The following TMEM143 variants were observed in gnomAD, a reference collection of about 807,000 sequenced individuals.
The protein encoded by TMEM143 is transmembrane protein 143.
In TMEM143, 45 loss-of-function variants were observed where a neutral mutation model predicts 40.3. That is an observed-to-expected ratio of 1.12 (90% CI 0.88 to 1.43). The LOEUF (loss-of-function observed/expected upper bound fraction) is 1.43, where lower values mean the gene tolerates loss of function less well. TMEM143 is among the 40% of genes most tolerant of loss of function. The pLI is 0.00. For missense variants in TMEM143, 620 were observed against 613.4 expected (o/e 1.01, Z -0.11); for synonymous variants, 299 against 282.7 (o/e 1.06, Z -0.58).
At chr19:48,343,619 C>T (rs568397960) in intron 4 of TMEM143, among the ~76,000 whole-genome samples, 168 bp from the exon 5 acceptor site, 1 of 152,176 alleles carries the variant, frequency 6.6e-6, no homozygotes, top group Non-Finnish European at 1.5e-5. Context: ...TCGTATACTG[C>T]ACAAGGGCTC....
chr19:48,351,751 T>C (rs1373229877), intron 3 of TMEM143, among the ~76,000 whole-genome samples: 1 of 152,178 alleles, frequency 6.6e-6, no homozygotes, highest in African/African-American at 2.4e-5. Flanking sequence ...TTCAGGTCTC[T>C]GCTCAAATGT....
At chr19:48,358,363 A>G (rs984229508) in intron 3 of TMEM143, among the ~76,000 whole-genome samples, 1 of 151,846 alleles carries the variant, frequency 6.6e-6, no homozygotes, top group Non-Finnish European at 1.5e-5. Flanking sequence ...TAGCCTGGGC[A>G]GCAGAGTGAG....
At chr19:48,342,989 G>T in intron 5 of TMEM143, 180 bp from the exon 6 acceptor site, 1 of 774,352 alleles carries the variant, frequency 1.3e-6, no homozygotes, top group Non-Finnish European at 2.0e-6. Context: ...CGGTTCAATC[G>T]CGCCATCGAT....
At chr19:48,347,588 G>A (rs1200770238) in intron 3 of TMEM143, among the ~76,000 whole-genome samples, 1 of 137,966 alleles carries the variant, frequency 7.2e-6, no homozygotes, top group Non-Finnish European at 1.5e-5. Context: ...ACAGAGTCTC[G>A]CTCTGTTGCC....
Position 48,342,554 on chromosome 19 carries a change from G to A in TMEM143, c.951C>T (p.Ile317=). 2 of 1,611,082 alleles carry A rather than the reference G, an allele frequency of 1.2e-6. No individual in the cohort carries two copies. Among genetic ancestry groups the A allele is most frequent in the Non-Finnish European group, 1.7e-6 (2 of 1,179,304 alleles). ...CCTTGGAGGCCCGCAGGCCCATGAA[G>A]ATGGCGAAGAGCAGCAGCAGCAGGG... The part of the protein sequence containing the change: ...ATSLLLLLFA[I]FMGLRASKMF... The change falls in exon 6 of 8, where the codon ATC becomes ATT. Residue 317 remains isoleucine, a synonymous_variant. Coordinates refer to ENST00000293261, the MANE Select transcript of TMEM143 (RefSeq NM_018273.4).
At position 48,345,171 on chromosome 19, in the gene TMEM143, C is replaced by T; in HGVS notation, c.553G>A (p.Asp185Asn). ...AGGGAGCCAAGTACCTGGACCTCAT[C>T]CTGAGGGTGGTGGACCACCAGCGCG... ...AYALVVHHPQ[D>N]EVQVTVNLDQ... Residue 185 changes from aspartate to asparagine, a missense_variant, in exon 4 of 8, where the codon GAT becomes AAT. Transcript: ENST00000293261. The T allele has an allele frequency of 6.2e-7, 1 of 1,613,338 alleles. No individual in the cohort carries two copies. Among genetic ancestry groups the T allele is most frequent in the Non-Finnish European group, 8.5e-7 (1 of 1,179,608 alleles).
chr19:48,333,177 T>C lies in TMEM143; in HGVS notation c.*42A>G. On this transcript the variant is annotated 3_prime_UTR_variant, in exon 8 of 8. Transcript: ENST00000293261. The surrounding 1 kb of genome is among the most constrained non-coding windows in gnomAD (Gnocchi z 4.1). Reference sequence around the variant, plus strand: ...CAGCCTGTCGTGAAGGAGGCGGGGCTTAGTTCCTAGCCTGCTGACTGGGCA... The same window carrying C: ...CAGCCTGTCGTGAAGGAGGCGGGGCCTAGTTCCTAGCCTGCTGACTGGGCA... The C allele has an allele frequency of 7.3e-7, 1 of 1,374,502 alleles. No individual in the cohort carries two copies. Among genetic ancestry groups the C allele is most frequent in the Non-Finnish European group, 9.6e-7 (1 of 1,040,408 alleles). 85.1% of individuals were successfully genotyped at this position (1,374,502 alleles called of 1,614,324 possible).
At chr19:48,348,820 A>G (rs868384682) in intron 3 of TMEM143, among the ~76,000 whole-genome samples, 4 of 152,160 alleles carry the variant, frequency 2.6e-5, no homozygotes, top group African/African-American at 9.7e-5. Context: ...CACACTTCCT[A>G]GTAGGGCCTG....
intron 3 of TMEM143, among the ~76,000 whole-genome samples, chr19:48,349,097 G>A (rs1340002339): frequency 3.3e-5 from 5 of 152,022 alleles, no homozygotes. Flanking sequence ...GAGGCTGAGG[G>A]AGGTGGATTG....
At chr19:48,351,726 C>T (rs527546686) in intron 3 of TMEM143, among the ~76,000 whole-genome samples, 18 of 152,292 alleles carry the variant, frequency 1.2e-4, no homozygotes, top group African/African-American at 4.3e-4. Flanking sequence ...CTCCATAGGG[C>T]TTGCTCCCCT....
At chr19:48,337,880 C>T (rs895756010) in intron 6 of TMEM143, among the ~76,000 whole-genome samples, 5 of 152,212 alleles carry the variant, frequency 3.3e-5, no homozygotes, top group Middle Eastern at 3.4e-3. Context: ...CGTTAGGGAC[C>T]GTGTGGTATG....
chr19:48,363,578 A>T, intron 1 of TMEM143, 47 bp from the exon 2 acceptor site: 1 of 1,550,502 alleles, frequency 6.4e-7, no homozygotes, highest in Non-Finnish European at 8.7e-7. Context: ...CTAGAGGAAA[A>T]GCGCCCTCTC....
chr19:48,335,580 G>A (rs1421726158), intron 6 of TMEM143, among the ~76,000 whole-genome samples: 4 of 152,044 alleles, frequency 2.6e-5, no homozygotes, highest in Admixed American at 6.6e-5. Context: ...AAAATTAGCC[G>A]GGCATGGTGG....
In TMEM143 at chr19:48,333,717, C is replaced by T. The variant is rs778217941; in HGVS notation, c.1166-284G>A. Among the ~76,000 whole-genome samples, 1 of 152,106 alleles carries T rather than the reference C, an allele frequency of 6.6e-6. No homozygotes were observed. Among genetic ancestry groups the T allele is most frequent in the Non-Finnish European group, 1.5e-5 (1 of 68,018 alleles). ...GACCACCTGGAGCCCACACAGGGAG[C>T]GCGCAGGATCTCTTGTAGGGAGAGT... On this transcript the variant is annotated intron_variant, in intron 7 of 7. Coordinates refer to ENST00000293261, the MANE Select transcript of TMEM143 (RefSeq NM_018273.4). This position sits in a 1 kb window ranked among gnomAD's most constrained non-coding sequence, Gnocchi z 4.1.
At chr19:48,356,519 C>T (rs1969902425) in intron 3 of TMEM143, among the ~76,000 whole-genome samples, 1 of 151,524 alleles carries the variant, frequency 6.6e-6, no homozygotes, top group Non-Finnish European at 1.5e-5. Context: ...CAACCTCCGC[C>T]TCCTGGGTTC....
In TMEM143 at chr19:48,348,183, CA is replaced by C. The variant is rs1350920393; in HGVS notation, c.370-2830del. Among the ~76,000 whole-genome samples, 3 of 152,272 alleles carry C rather than the reference CA, an allele frequency of 2.0e-5. No individual in the cohort carries two copies. In the South Asian group the frequency reaches 6.2e-4, roughly 32 times the overall value. Reference sequence around the variant, plus strand: ...GAAATTCCATTCCCAGGCTGAGCTGCAGTTTGAAAGCTGGAGAAAGAAATCT... The same window carrying C: ...GAAATTCCATTCCCAGGCTGAGCTGCGTTTGAAAGCTGGAGAAAGAAATCT... On this transcript the variant is annotated intron_variant, in intron 3 of 7. Coordinates refer to ENST00000293261, the MANE Select transcript of TMEM143 (RefSeq NM_018273.4).
At chr19:48,352,431 G>A (rs910074724) in intron 3 of TMEM143, among the ~76,000 whole-genome samples, 1 of 147,900 alleles carries the variant, frequency 6.8e-6, no homozygotes, top group African/African-American at 2.5e-5. Context: ...AGCCTCCCAA[G>A]TAGCTGGGAC....
intron 6 of TMEM143, among the ~76,000 whole-genome samples, chr19:48,342,002 C>A (rs959635116): frequency 6.7e-6 from 1 of 150,086 alleles, no homozygotes; most frequent in East Asian, 2.0e-4. Flanking sequence ...AGAAACCCCC[C>A]TAAGGGGTGT....
chr19:48,338,530 AC>A (rs1437994917), intron 6 of TMEM143, among the ~76,000 whole-genome samples: 1 of 152,090 alleles, frequency 6.6e-6, no homozygotes, highest in Non-Finnish European at 1.5e-5. Context: ...AAGCCAAACC[AC>A]CCCTGGTGTG....
Sources: gnomAD v4.1 joint callset for allele counts (sites outside exome capture counted in the v4.1 genomes callset) on GRCh38, gnomAD v4.1.1 for gene constraint, Gnocchi (gnomAD v3.1) non-coding constraint, MANE v1.5 for transcripts, NCBI Gene and HGNC (gene_info 2026-07-23, HGNC 2026-07-21) for gene names.